Variants in SLC30A9 observed in about 807,000 individuals in gnomAD.
SLC30A9 encodes the protein proton-coupled zinc antiporter SLC30A9, mitochondrial.
In SLC30A9, 58 loss-of-function variants were observed where a neutral mutation model predicts 87.5. That is an observed-to-expected ratio of 0.66 (90% CI 0.54 to 0.82). SLC30A9 has a LOEUF of 0.82. SLC30A9 is among the 40% of genes least tolerant of loss of function. The probability of loss-of-function intolerance (pLI) is 0.00; values close to 1 mark genes in which losing one functional copy is unlikely to be tolerated. For missense variants in SLC30A9, 557 were observed against 679.1 expected (o/e 0.82, Z 2.00); for synonymous variants, 234 against 233.0 (o/e 1.00, Z -0.04).
chr4:42,013,783 T>C (rs1715563379), intron 2 of SLC30A9, among the ~76,000 whole-genome samples: 1 of 152,186 alleles, frequency 6.6e-6, no homozygotes, highest in Admixed American at 6.5e-5. Flanking sequence ...CCTCAAATGA[T>C]GAAACTATTT....
chr4:42,001,844 G>C (rs1714999298), intron 2 of SLC30A9, 64 bp downstream of exon 2: 2 of 1,197,212 alleles, frequency 1.7e-6, no homozygotes, highest in East Asian at 5.3e-5. Context: ...AAAATTATTT[G>C]TTCCCTGGAT....
intron 3 of SLC30A9, among the ~76,000 whole-genome samples, chr4:42,019,544 T>C (rs1715856706): frequency 6.6e-6 from 1 of 151,872 alleles, no homozygotes; most frequent in South Asian, 2.1e-4. Context: ...TCTGTACTTT[T>C]CTTCAGTTTT....
rs1386135081 is a variant in SLC30A9 at position 42,018,138 on chromosome 4, C to T, written c.302C>T (p.Ala101Val). ...GAAGGTATAGGCACAGAACTCAAAG[C>T]TCCACTTAAGCAAGAACCTCTCCAA... ...TAEGIGTELK[A>V]PLKQEPLQVR... is the part of the protein sequence containing the mutation. Residue 101 changes from alanine (A) to valine (V), a missense_variant, in exon 3 of 18, where the codon GCT becomes GTT. Around this residue, in one of 2 missense-constraint regions of SLC30A9, gnomAD observed 467 missense variants for 529.8 expected, o/e 0.88. Coordinates refer to ENST00000264451, the MANE Select transcript of SLC30A9 (RefSeq NM_006345.4). The T allele has an allele frequency of 1.3e-6, 2 of 1,568,234 alleles. No individual in the cohort carries two copies. Among genetic ancestry groups the T allele is most frequent in the Non-Finnish European group, 1.8e-6 (2 of 1,141,392 alleles).
intron 17 of SLC30A9, among the ~76,000 whole-genome samples, chr4:42,080,729 C>T (rs1284136021): frequency 6.6e-6 from 1 of 152,188 alleles, no homozygotes; most frequent in Admixed American, 6.5e-5. Flanking sequence ...TAGAAATTCC[C>T]TCCCGGTTAT....
chr4:42,007,725 C>G (rs1445611314), intron 2 of SLC30A9, among the ~76,000 whole-genome samples: 1 of 152,170 alleles, frequency 6.6e-6, no homozygotes, highest in African/African-American at 2.4e-5. Context: ...CCACTGCACT[C>G]CAGCCTGGGC....
chr4:42,050,326 C>T (rs1036026874), intron 9 of SLC30A9, among the ~76,000 whole-genome samples: 9 of 152,030 alleles, frequency 5.9e-5, no homozygotes, highest in Non-Finnish European at 1.3e-4. Context: ...TAAATACTGT[C>T]TCTATAAAAT....
chr4:42,052,326 A>C (rs1160851827), intron 9 of SLC30A9, among the ~76,000 whole-genome samples: 4 of 152,222 alleles, frequency 2.6e-5, no homozygotes, highest in Non-Finnish European at 5.9e-5. Flanking sequence ...AGATCTGTCA[A>C]ATCTCCCTAA....
intron 9 of SLC30A9, among the ~76,000 whole-genome samples, chr4:42,056,542 C>G (rs1231373509): frequency 6.6e-6 from 1 of 152,090 alleles, no homozygotes; most frequent in Non-Finnish European, 1.5e-5. Context: ...CAGTTACCTC[C>G]CACTAGGTCC....
At chr4:41,998,468 T>TTG (rs1560533363) in intron 1 of SLC30A9, among the ~76,000 whole-genome samples, 1 of 151,654 alleles carries the variant, frequency 6.6e-6, no homozygotes, top group Admixed American at 6.6e-5. Flanking sequence ...AATTCTTTTT[T>TTG]TTTGTTTGTT....
In SLC30A9 at chr4:42,086,170, T is replaced by G. The variant is rs1323414896; in HGVS notation, c.*44T>G. ...CCTGGGTGGGGACCTTGGAAACAAG[T>G]TTGTCCGTCCACTCTACAAAGTTTC... On this transcript the variant is annotated 3_prime_UTR_variant, in exon 18 of 18. Transcript: ENST00000264451. The G allele has an allele frequency of 7.9e-7, 1 of 1,272,134 alleles. No individual in the cohort carries two copies. Among genetic ancestry groups the G allele is most frequent in the South Asian group, 1.6e-5 (1 of 64,058 alleles). 78.8% of individuals were successfully genotyped at this position (1,272,134 alleles called of 1,614,324 possible). A position where few individuals can be genotyped will look rare whatever the true frequency, so the allele number is the denominator to read the frequency against.
Position 42,038,432 on chromosome 4 carries a change from G to GT in SLC30A9, c.670-548dup, listed in dbSNP as rs566907578. On this transcript the variant is annotated intron_variant, in intron 7 of 17. Coordinates refer to ENST00000264451, the MANE Select transcript of SLC30A9 (RefSeq NM_006345.4). ...ATTGTTCCCATAATAATTTCATTGAGTTTTTTCTCTATTCATCCAAATAAT... is the reference window on the plus strand; with the variant it reads ...ATTGTTCCCATAATAATTTCATTGAGTTTTTTTCTCTATTCATCCAAATAAT... Among the ~76,000 whole-genome samples the GT allele has an allele frequency of 8.7e-4, 133 of 152,020 alleles. No homozygotes were observed. In the East Asian group the frequency reaches 0.023, roughly 27 times the overall value.
At chr4:42,023,081 T>C in intron 5 of SLC30A9, 151 bp downstream of exon 5, 1 of 585,690 alleles carries the variant, frequency 1.7e-6, no homozygotes, top group Non-Finnish European at 3.1e-6. Context: ...TACTAATATG[T>C]ACTCCTTAAC....
intron 13 of SLC30A9, 72 bp from the exon 14 acceptor site, chr4:42,067,013 T>G (rs969831909): frequency 2.3e-6 from 2 of 859,510 alleles, no homozygotes; most frequent in African/African-American, 3.4e-5. Context: ...GGATACTTAT[T>G]AAAATGTTAC....
intron 16 of SLC30A9, among the ~76,000 whole-genome samples, chr4:42,076,093 A>G (rs1718540020): frequency 6.6e-6 from 1 of 152,186 alleles, no homozygotes; most frequent in Non-Finnish European, 1.5e-5. Context: ...ATTGAAAGAC[A>G]GAGATTAAGT....
intron 17 of SLC30A9, among the ~76,000 whole-genome samples, chr4:42,079,668 C>T (rs1181407211): frequency 6.6e-6 from 1 of 150,964 alleles, no homozygotes; most frequent in East Asian, 2.0e-4. Flanking sequence ...AGTGCAGTGG[C>T]ACGATCTCAG....
chr4:42,010,363 G>A (rs1715385978), intron 2 of SLC30A9, among the ~76,000 whole-genome samples: 1 of 152,150 alleles, frequency 6.6e-6, no homozygotes, highest in South Asian at 2.1e-4. Context: ...TGTAGTCCCA[G>A]CTACTTGGGA....
intron 17 of SLC30A9, among the ~76,000 whole-genome samples, chr4:42,084,357 C>CT (rs1263500171): frequency 6.6e-6 from 1 of 151,084 alleles, no homozygotes; most frequent in South Asian, 2.1e-4. Context: ...AGATTTAGTT[C>CT]TTTTATACAC....
chr4:42,039,029 A>G lies in SLC30A9; in HGVS notation c.713A>G (p.Lys238Arg), dbSNP rs1716807028. 5 of 1,613,584 alleles carry G rather than the reference A, an allele frequency of 3.1e-6. No homozygotes were observed. Among genetic ancestry groups the G allele is most frequent in the Non-Finnish European group, 4.2e-6 (5 of 1,179,592 alleles). The change falls in exon 8 of 18, where the codon AAA becomes AGA. Residue 238 changes from lysine to arginine, a missense_variant. Around this residue, in one of 2 missense-constraint regions of SLC30A9, gnomAD observed 467 missense variants for 529.8 expected, o/e 0.88. Transcript: ENST00000264451. The part of the protein sequence containing the change: ...TASVFFKGPG[K>R]VVMVAICING... ...TCAGTGTTTTTTAAGGGACCAGGAA[A>G]AGTGGTGATGGTTGCAATTTGCATG...
Position 42,067,401 on chromosome 4 carries a change from G to A in SLC30A9, c.1252+209G>A, listed in dbSNP as rs148396712. 1.1e-4 allele frequency among the ~76,000 whole-genome samples: 16 copies of A among 152,252 alleles called. No homozygotes were observed. The East Asian group carries it at 3.1e-3, about 29-fold the overall frequency. ...AAAAATGTCTCTAAATTAGAAATAA[G>A]GAAGGCTATTTGTAAAGGATTTCTG... On this transcript the variant is annotated intron_variant, in intron 14 of 17. Transcript: ENST00000264451.
Sources: gnomAD v4.1 joint callset for allele counts (sites outside exome capture counted in the v4.1 genomes callset) on GRCh38, gnomAD v4.1.1 for gene constraint, gnomAD v4.1.1 regional missense constraint, MANE v1.5 for transcripts, NCBI Gene and HGNC (gene_info 2026-07-23, HGNC 2026-07-21) for gene names.